TYW1: variants seen among roughly 807,000 people sequenced by gnomAD.
TYW1 encodes the protein S-adenosyl-L-methionine-dependent tRNA 4-demethylwyosine synthase TYW1.
A neutral mutation model predicts 96.2 loss-of-function variants in TYW1; 46 were observed. That is an observed-to-expected ratio of 0.48 (90% CI 0.38 to 0.61). The LOEUF (loss-of-function observed/expected upper bound fraction) is 0.61, where lower values mean the gene tolerates loss of function less well. TYW1 is among the 20% of genes least tolerant of loss of function. The pLI, the probability that TYW1 is intolerant of heterozygous loss-of-function variation, is 0.00. For missense variants in TYW1, 684 were observed against 909.6 expected, an observed-to-expected ratio of 0.75 and a Z score of 3.19; for synonymous variants, 274 against 323.0, an observed-to-expected ratio of 0.85 and a Z score of 1.63.
intron 13 of TYW1, among the ~76,000 whole-genome samples, chr7:67,128,776 C>T (rs978781683): frequency 4.6e-5 from 7 of 150,726 alleles, no homozygotes; most frequent in African/African-American, 7.3e-5. Context: ...GCAACTTCTG[C>T]CTCCCAGGTT....
rs1234295536 is a variant in TYW1 at position 67,024,976 on chromosome 7, ATGT to A, written c.941_943del (p.Val314del). On this transcript the variant is annotated inframe_deletion, in exon 7 of 16. Coordinates refer to ENST00000359626, the MANE Select transcript of TYW1 (RefSeq NM_018264.4). ...CATCAGAGCCTAAATTCCATTGTTG[ATGT>A]TGAAGATTTGGGCAAAATTATGGAT... The A allele has an allele frequency of 6.2e-7, 1 of 1,613,684 alleles. No individual in the cohort carries two copies. Among genetic ancestry groups the A allele is most frequent in the East Asian group, 2.2e-5 (1 of 44,874 alleles).
At chr7:67,236,817 G>A (rs1364004306) in intron 15 of TYW1, among the ~76,000 whole-genome samples, 2 of 143,106 alleles carry the variant, frequency 1.4e-5, no homozygotes, top group Non-Finnish European at 3.1e-5. Context: ...AGGAACCTAT[G>A]TATTTTCTTT....
intron 9 of TYW1, among the ~76,000 whole-genome samples, chr7:67,064,064 A>G (rs1795786665): frequency 1.3e-5 from 2 of 152,242 alleles, no homozygotes; most frequent in Non-Finnish European, 2.9e-5. Context: ...TGAAAATCTA[A>G]ACAAATAGAC....
chr7:67,171,305 G>A (rs1290043977), intron 13 of TYW1, among the ~76,000 whole-genome samples: 2 of 152,014 alleles, frequency 1.3e-5, no homozygotes, highest in Middle Eastern at 3.2e-3. Context: ...CTAAAGGTCC[G>A]TTTAGTTGAT....
At chr7:67,186,907 T>C (rs1334705445) in intron 14 of TYW1, among the ~76,000 whole-genome samples, 1 of 152,130 alleles carries the variant, frequency 6.6e-6, no homozygotes, top group Non-Finnish European at 1.5e-5. Flanking sequence ...TTGTTAAAGC[T>C]CTGGAGATGA....
At chr7:67,187,052 A>ATTT (rs750086247) in intron 14 of TYW1, among the ~76,000 whole-genome samples, 8 of 100,894 alleles carry the variant, frequency 7.9e-5, no homozygotes, top group African/African-American at 1.8e-4. Context: ...CCACAATTAA[A>ATTT]TTTTTTTTTT....
chr7:67,078,854 G>C (rs1563000993), intron 10 of TYW1, among the ~76,000 whole-genome samples: 1 of 151,994 alleles, frequency 6.6e-6, no homozygotes. Flanking sequence ...CACCACGCCT[G>C]GCTAACTTTT....
chr7:67,047,903 T>C (rs1295093865), intron 7 of TYW1, among the ~76,000 whole-genome samples: 1 of 149,602 alleles, frequency 6.7e-6, no homozygotes, highest in Non-Finnish European at 1.5e-5. Context: ...TTCTCCTGCC[T>C]CAGCCTCCCT....
At chr7:67,062,225 A>G (rs1418781728) in intron 9 of TYW1, among the ~76,000 whole-genome samples, 4 of 152,044 alleles carry the variant, frequency 2.6e-5, no homozygotes, top group African/African-American at 9.7e-5. Context: ...CCTGGCCAAT[A>G]TGGTGAAACC....
intron 13 of TYW1, among the ~76,000 whole-genome samples, chr7:67,167,096 G>A (rs1053288079): frequency 2.0e-5 from 3 of 152,132 alleles, no homozygotes; most frequent in African/African-American, 7.2e-5. Flanking sequence ...ATTGCCTCAT[G>A]ACTTTTGATA....
chr7:67,061,997 C>T (rs1326519004), intron 9 of TYW1, among the ~76,000 whole-genome samples: 4 of 152,072 alleles, frequency 2.6e-5, no homozygotes, highest in Admixed American at 6.6e-5. Context: ...GGAGCAGTGC[C>T]GTTGTACTGT....
At chr7:67,082,834 T>A (rs574024702) in intron 10 of TYW1, among the ~76,000 whole-genome samples, 1 of 152,262 alleles carries the variant, frequency 6.6e-6, no homozygotes, top group East Asian at 1.9e-4. Context: ...CATTGTAATC[T>A]TTTGTATGGC....
intron 3 of TYW1, among the ~76,000 whole-genome samples, chr7:67,007,504 C>G (rs1215982555): frequency 2.6e-5 from 4 of 152,172 alleles, no homozygotes; most frequent in Admixed American, 2.6e-4. Context: ...CCCCATGACC[C>G]AAACACCTCC....
At chr7:67,002,877 A>T in intron 3 of TYW1, among the ~76,000 whole-genome samples, 1 of 136,088 alleles carries the variant, frequency 7.3e-6, no homozygotes, top group African/African-American at 2.8e-5. Flanking sequence ...TTTTTGAGAC[A>T]GGGTCTTACT....
chr7:67,086,958 G>A (rs1796567260), intron 11 of TYW1, among the ~76,000 whole-genome samples: 1 of 152,150 alleles, frequency 6.6e-6, no homozygotes, highest in Non-Finnish European at 1.5e-5. Context: ...CGATGACTGA[G>A]GATGTGTGTT....
intron 11 of TYW1, among the ~76,000 whole-genome samples, chr7:67,089,016 C>G (rs1167002172): frequency 6.6e-6 from 1 of 152,320 alleles, no homozygotes; most frequent in East Asian, 1.9e-4. Context: ...TTGTGATATT[C>G]CTGGTATCTC....
chr7:67,211,831 C>G (rs937222480), intron 15 of TYW1, among the ~76,000 whole-genome samples: 2 of 152,220 alleles, frequency 1.3e-5, no homozygotes, highest in African/African-American at 2.4e-5. Flanking sequence ...GTCTTGCAGA[C>G]TCCACCCGTT....
At chr7:67,206,475 A>G (rs1475026969) in intron 15 of TYW1, among the ~76,000 whole-genome samples, 1 of 152,058 alleles carries the variant, frequency 6.6e-6, no homozygotes, top group Non-Finnish European at 1.5e-5. Flanking sequence ...TACTAAAAAT[A>G]CAAAACTTAG....
rs754598678 is a variant in TYW1, at chr7:67,183,222, T to C, written c.1795T>C (p.Phe599Leu). 22 of 1,603,654 alleles carry C rather than the reference T, an allele frequency of 1.4e-5. No homozygotes were observed. In the South Asian group the frequency reaches 1.5e-4, roughly 11 times the overall value. ...GCTCGTGTCCCTGGGGAATCCTGAC[T>C]TCATCGAAGTGAAGGTAAGCCCCTG... ...AQLVSLGNPD[F>L]IEVKGVTYCG... Residue 599 changes from phenylalanine to leucine, a missense_variant, in exon 14 of 16, where the codon TTC (phenylalanine) becomes CTC (leucine). Phe to Leu is a conservative substitution (Grantham distance 22). Transcript: ENST00000359626.
Sources: allele counts gnomAD v4.1 joint callset (sites outside exome capture counted in the v4.1 genomes callset), GRCh38; gene constraint gnomAD v4.1.1; transcripts MANE v1.5; gene names NCBI Gene and HGNC (gene_info 2026-07-23, HGNC 2026-07-21).